Variants in PCSK5 observed in about 807,000 individuals in gnomAD.
PCSK5 encodes prohormone convertase 5.
PCSK5 carries 129 observed loss-of-function variants against 233.2 expected under a neutral mutation model. The observed-to-expected ratio is 0.55, with a 90% CI of 0.48 to 0.64. PCSK5 has a LOEUF of 0.64. PCSK5 is among the 30% of genes least tolerant of loss of function. The probability of loss-of-function intolerance (pLI) is 0.00; values close to 1 mark genes in which losing one functional copy is unlikely to be tolerated. For synonymous variants in PCSK5, 825 were observed against 879.2 expected, an observed-to-expected ratio of 0.94 and a Z score of 1.09; for missense variants, 2,076 against 2,430.1, an observed-to-expected ratio of 0.85 and a Z score of 3.06.
intron 24 of PCSK5, among the ~76,000 whole-genome samples, chr9:76,244,151 G>T (rs1826511650): frequency 6.6e-6 from 1 of 152,116 alleles, no homozygotes; most frequent in Non-Finnish European, 1.5e-5. Flanking sequence ...ACCTGAGCCT[G>T]GGAAGTCAAG....
At chr9:75,947,710 G>A (rs2377425) in intron 2 of PCSK5, among the ~76,000 whole-genome samples, 91,695 of 151,966 alleles carry the variant, frequency 0.6, 28,264 homozygotes, top group East Asian at 0.84. Context: ...TCACTTTTGT[G>A]CAGAGAAAAA....
At chr9:76,202,130 G>A (rs1306242437) in intron 20 of PCSK5, among the ~76,000 whole-genome samples, 1 of 152,078 alleles carries the variant, frequency 6.6e-6, no homozygotes, top group Non-Finnish European at 1.5e-5. Context: ...CACAAATATG[G>A]CAGAAACCGG....
rs962927318 is a variant in PCSK5, at chr9:76,131,950, C to T, written c.1209-2159C>T. 1.5e-4 allele frequency among the ~76,000 whole-genome samples: 23 copies of T among 152,146 alleles called. 1 individual carries two copies. Among genetic ancestry groups the T allele is most frequent in the African/African-American group, 4.6e-4 (19 of 41,530 alleles). ...AATCTAAGTGTATTCTTTGGTATCT[C>T]ACTGTTTACTCATGACAAAATAAAA... On this transcript the variant is annotated intron_variant, in intron 9 of 37. Coordinates refer to ENST00000674117, the MANE Select transcript of PCSK5 (RefSeq NM_001372043.1).
chr9:76,095,742 T>G, intron 7 of PCSK5, 148 bp from the exon 8 acceptor site: 1 of 656,950 alleles, frequency 1.5e-6, no homozygotes, highest in Non-Finnish European at 2.7e-6. Flanking sequence ...CCAACGCCTC[T>G]TACTCCACTC....
intron 9 of PCSK5, among the ~76,000 whole-genome samples, chr9:76,110,976 A>G (rs57003976): frequency 0.21 from 32,606 of 152,002 alleles, 3,714 homozygotes; most frequent in South Asian, 0.31. Flanking sequence ...GCGTGGTAGC[A>G]TGCGCCCATA....
intron 2 of PCSK5, among the ~76,000 whole-genome samples, chr9:75,956,351 G>A (rs1010691001): frequency 3.9e-5 from 6 of 152,164 alleles, no homozygotes; most frequent in Non-Finnish European, 8.8e-5. Context: ...ATAAATCAGG[G>A]AGGTGCTGGG....
intron 1 of PCSK5, among the ~76,000 whole-genome samples, chr9:75,914,767 G>A (rs940086967): frequency 5.9e-5 from 9 of 152,000 alleles, no homozygotes; most frequent in African/African-American, 2.2e-4. Flanking sequence ...ATATTTATCA[G>A]GGCCTGTGTT....
chr9:75,988,698 G>A (rs867582436), intron 3 of PCSK5, among the ~76,000 whole-genome samples: 1 of 152,212 alleles, frequency 6.6e-6, no homozygotes, highest in Non-Finnish European at 1.5e-5. Context: ...TTACATGTGT[G>A]AGCCACTGTG....
intron 24 of PCSK5, among the ~76,000 whole-genome samples, chr9:76,262,440 T>C (rs1168831215): frequency 1.3e-5 from 2 of 151,992 alleles, no homozygotes; most frequent in Non-Finnish European, 2.9e-5. Context: ...TATGGATCAA[T>C]GGAACAGAAC....
chr9:76,166,513 C>A (rs1158601802), intron 12 of PCSK5, among the ~76,000 whole-genome samples: 2 of 152,194 alleles, frequency 1.3e-5, no homozygotes, highest in Admixed American at 6.5e-5. Flanking sequence ...GCAGTCAAAT[C>A]ATTGACCCAT....
intron 35 of PCSK5, among the ~76,000 whole-genome samples, chr9:76,348,783 A>G (rs1315369004): frequency 6.6e-6 from 1 of 152,006 alleles, no homozygotes; most frequent in African/African-American, 2.4e-5. Flanking sequence ...TTTGACCAGC[A>G]TCTCCCCAGT....
Position 76,189,770 on chromosome 9 carries a change from T to G in PCSK5, c.2626+24T>G, listed in dbSNP as rs751090836. 4 of 1,199,732 alleles carry G rather than the reference T, an allele frequency of 3.3e-6. No homozygotes were observed. The African/African-American group carries it at 4.5e-5, about 14-fold the overall frequency. The allele number at this position is 1,199,732 out of a possible 1,614,324, so 74.3% of individuals were successfully genotyped here. A position where few individuals can be genotyped will look rare whatever the true frequency, so the allele number is the denominator to read the frequency against. ...TGGTGAGTACAACTGCCCATATCGA[T>G]CTTATGAAGCAAAGTATGATCTTTC... On this transcript the variant is annotated intron_variant, in intron 20 of 37. Transcript: ENST00000674117.
At chr9:76,068,543 C>T (rs1166346498) in intron 6 of PCSK5, among the ~76,000 whole-genome samples, 2 of 151,930 alleles carry the variant, frequency 1.3e-5, no homozygotes, top group Non-Finnish European at 2.9e-5. Flanking sequence ...TTTGTAATCC[C>T]ATAATATAGT....
rs560116577 is a variant in PCSK5 at position 76,067,967 on chromosome 9, C to T, written c.645C>T (p.Arg215=). The change falls in exon 6 of 38, where the codon CGC becomes CGT. Residue 215 remains arginine (R), a synonymous_variant. Coordinates refer to ENST00000674117, the MANE Select transcript of PCSK5 (RefSeq NM_001372043.1). Reference sequence around the variant, plus strand: ...GTTCTGCCTGCAGGCATGGGACTCGCTGTGCTGGAGAAGTGGCAGCCGCTG... The same window carrying T: ...GTTCTGCCTGCAGGCATGGGACTCGTTGTGCTGGAGAAGTGGCAGCCGCTG... ...DASNENKHGT[R]CAGEVAAAAN... is the part of the protein sequence containing the mutation. The T allele has an allele frequency of 2.3e-5, 37 of 1,613,656 alleles. No homozygotes were observed. Among genetic ancestry groups the T allele is most frequent in the Admixed American group, 2.2e-4 (13 of 60,010 alleles).
intron 5 of PCSK5, among the ~76,000 whole-genome samples, chr9:76,056,505 T>C (rs1246229534): frequency 3.9e-5 from 6 of 152,204 alleles, no homozygotes; most frequent in Non-Finnish European, 7.3e-5. Context: ...TATGTGTTCA[T>C]GATACACAGA....
Position 76,201,068 on chromosome 9 carries a change from A to AT in PCSK5, c.2626+11323dup, listed in dbSNP as rs371137223. Among the ~76,000 whole-genome samples the AT allele has an allele frequency of 3.4e-3, 517 of 152,324 alleles. 4 individuals are homozygous for AT. Among genetic ancestry groups the AT allele is most frequent in the African/African-American group, 0.012 (491 of 41,576 alleles). ...ACGAAAGAACAGGGTGCAAGCTCACATGAGAGGCAGCAGCCCACAGCTTCT... is the reference window on the plus strand; with the variant it reads ...ACGAAAGAACAGGGTGCAAGCTCACATTGAGAGGCAGCAGCCCACAGCTTCT... On this transcript the variant is annotated intron_variant, in intron 20 of 37. Coordinates refer to ENST00000674117, the MANE Select transcript of PCSK5 (RefSeq NM_001372043.1).
chr9:76,259,386 G>C (rs1300097887), intron 24 of PCSK5, among the ~76,000 whole-genome samples: 1 of 151,404 alleles, frequency 6.6e-6, no homozygotes, highest in African/African-American at 2.4e-5. Context: ...TCACATCTCA[G>C]TTTAAATGTC....
intron 9 of PCSK5, among the ~76,000 whole-genome samples, chr9:76,125,123 A>T (rs74414130): frequency 0.018 from 2,670 of 146,908 alleles, 91 homozygotes; most frequent in African/African-American, 0.065. Context: ...TTCTCAATTT[A>T]AAAAAAAAAC....
intron 2 of PCSK5, among the ~76,000 whole-genome samples, chr9:75,934,631 G>T (rs2131288010): frequency 6.6e-6 from 1 of 151,882 alleles, no homozygotes; most frequent in East Asian, 1.9e-4. Flanking sequence ...GCCCAGGCTG[G>T]AGTGCAATGG....
Sources: allele counts gnomAD v4.1 joint callset (sites outside exome capture counted in the v4.1 genomes callset), GRCh38; gene constraint gnomAD v4.1.1; transcripts MANE v1.5; gene names NCBI Gene and HGNC (gene_info 2026-07-23, HGNC 2026-07-21).